Variants in GRM7 observed in about 807,000 individuals in gnomAD.
GRM7 encodes metabotropic glutamate receptor 7.
In GRM7, 35 loss-of-function variants were observed where a neutral mutation model predicts 84.5. The ratio of observed to expected loss-of-function variants is 0.41; its 90% confidence interval spans 0.32 to 0.55. GRM7 has a LOEUF of 0.55. Among genes scored for constraint, GRM7 ranks in the 20% least tolerant of loss-of-function variants. The probability of loss-of-function intolerance (pLI) is 0.19; values close to 1 mark genes in which losing one functional copy is unlikely to be tolerated. For missense variants in GRM7, 1,003 were observed against 1,194.6 expected (o/e 0.84, Z 2.36); for synonymous variants, 487 against 455.1 (o/e 1.07, Z -0.89).
chr3:7,265,990 C>T (rs1297377041), intron 2 of GRM7, among the ~76,000 whole-genome samples: 1 of 152,104 alleles, frequency 6.6e-6, no homozygotes, highest in Admixed American at 6.5e-5. Context: ...CAGTGCTGGG[C>T]ACAGGCAGTG....
intron 1 of GRM7, among the ~76,000 whole-genome samples, chr3:7,087,442 C>A (rs895039420): frequency 6.7e-6 from 1 of 149,074 alleles, no homozygotes; most frequent in Non-Finnish European, 1.5e-5. Context: ...GTCTCATGAC[C>A]TTTTTTCAGG....
At chr3:6,946,832 C>T (rs1359074374) in intron 1 of GRM7, among the ~76,000 whole-genome samples, 3 of 152,154 alleles carry the variant, frequency 2.0e-5, no homozygotes, top group African/African-American at 7.2e-5. Context: ...TGGGAGTTCA[C>T]TCATGATTTG....
At chr3:7,206,167 CT>C (rs991943753) in intron 2 of GRM7, among the ~76,000 whole-genome samples, 47 of 152,202 alleles carry the variant, frequency 3.1e-4, no homozygotes, top group Middle Eastern at 3.4e-3. Flanking sequence ...TCACTGCCTG[CT>C]TCTGGCTACT....
intron 1 of GRM7, among the ~76,000 whole-genome samples, chr3:7,026,056 C>T (rs1282434131): frequency 6.6e-6 from 1 of 152,162 alleles, no homozygotes; most frequent in Non-Finnish European, 1.5e-5. Flanking sequence ...GAGCCAATCA[C>T]CTAATTTATA....
intron 8 of GRM7, among the ~76,000 whole-genome samples, chr3:7,609,560 G>T (rs918268977): frequency 6.6e-6 from 1 of 151,668 alleles, no homozygotes; most frequent in Non-Finnish European, 1.5e-5. Flanking sequence ...AAACAGAGCA[G>T]GCACAGGTAT....
At chr3:7,045,427 A>G (rs1177883700) in intron 1 of GRM7, among the ~76,000 whole-genome samples, 1 of 152,180 alleles carries the variant, frequency 6.6e-6, no homozygotes. Flanking sequence ...GGCAAGAGGG[A>G]GCAATGACCC....
chr3:7,385,335 C>G (rs954702233), intron 4 of GRM7, among the ~76,000 whole-genome samples: 1 of 118,236 alleles, frequency 8.5e-6, no homozygotes, highest in Non-Finnish European at 1.6e-5. Context: ...GAGTCTCGCT[C>G]TGTCGCACAG....
At chr3:7,335,266 A>G (rs1483588120) in intron 4 of GRM7, among the ~76,000 whole-genome samples, 4 of 152,126 alleles carry the variant, frequency 2.6e-5, no homozygotes, top group African/African-American at 9.7e-5. Context: ...AGGAACCTTT[A>G]AAACTATGCA....
chr3:7,301,449 T>G (rs1699998498), intron 3 of GRM7, among the ~76,000 whole-genome samples: 1 of 152,204 alleles, frequency 6.6e-6, no homozygotes, highest in African/African-American at 2.4e-5. Flanking sequence ...ACACCCATTT[T>G]ACACTTTTGC....
chr3:7,028,643 A>T (rs1696067760), intron 1 of GRM7, among the ~76,000 whole-genome samples: 1 of 152,186 alleles, frequency 6.6e-6, no homozygotes, highest in African/African-American at 2.4e-5. Context: ...GAGGGATGGG[A>T]AACAGTGTGA....
chr3:6,944,280 T>C (rs1481755629), intron 1 of GRM7, among the ~76,000 whole-genome samples: 1 of 152,134 alleles, frequency 6.6e-6, no homozygotes, highest in Non-Finnish European at 1.5e-5. Flanking sequence ...ACTTTCAATC[T>C]TTCATTACTA....
chr3:7,189,068 G>A (rs1695619009), intron 2 of GRM7, among the ~76,000 whole-genome samples: 1 of 152,136 alleles, frequency 6.6e-6, no homozygotes, highest in Non-Finnish European at 1.5e-5. Context: ...CAGAGTGAGA[G>A]GTAGTTGTGG....
chr3:7,703,308 G>A (rs1437340579), intron 9 of GRM7, among the ~76,000 whole-genome samples: 1 of 152,114 alleles, frequency 6.6e-6, no homozygotes, highest in Non-Finnish European at 1.5e-5. Flanking sequence ...CCATTAATCT[G>A]TGTTTTAACA....
chr3:7,044,045 G>A (rs982510673), intron 1 of GRM7, among the ~76,000 whole-genome samples: 1 of 152,202 alleles, frequency 6.6e-6, no homozygotes, highest in African/African-American at 2.4e-5. Context: ...ACTCAAAGCA[G>A]TCAATACATT....
Position 7,220,043 on chromosome 3 carries a change from T to C in GRM7, c.736+73375T>C, listed in dbSNP as rs1387031744. On this transcript the variant is annotated intron_variant, in intron 2 of 9. Coordinates refer to ENST00000357716, the MANE Select transcript of GRM7 (RefSeq NM_000844.4). Reference sequence around the variant, plus strand: ...TATAATTCAAAGTATAACATGGATATCCATAAGTCCCTGGCTGATATAAAT... The same window carrying C: ...TATAATTCAAAGTATAACATGGATACCCATAAGTCCCTGGCTGATATAAAT... Among the ~76,000 whole-genome samples, 5 of 152,170 alleles carry C rather than the reference T, an allele frequency of 3.3e-5. No individual in the cohort carries two copies. In the East Asian group the frequency reaches 9.6e-4, roughly 29 times the overall value.
chr3:6,916,642 C>T (rs1484054375), intron 1 of GRM7, among the ~76,000 whole-genome samples: 1 of 152,086 alleles, frequency 6.6e-6, no homozygotes, highest in Non-Finnish European at 1.5e-5. Flanking sequence ...CCTCAGTCCT[C>T]TTATAAGGAC....
intron 1 of GRM7, among the ~76,000 whole-genome samples, chr3:6,907,760 C>G (rs1696632024): frequency 1.3e-5 from 2 of 152,056 alleles, no homozygotes; most frequent in Non-Finnish European, 2.9e-5. Context: ...AAACAAATGT[C>G]TCATTGAAGT....
At chr3:7,345,483 C>T (rs1692849419) in intron 4 of GRM7, among the ~76,000 whole-genome samples, 1 of 151,902 alleles carries the variant, frequency 6.6e-6, no homozygotes, top group South Asian at 2.1e-4. Flanking sequence ...GGGGTTTCAT[C>T]ACGTTGGCCA....
At chr3:7,570,414 A>G (rs1331806356) in intron 7 of GRM7, among the ~76,000 whole-genome samples, 1 of 152,246 alleles carries the variant, frequency 6.6e-6, no homozygotes, top group Non-Finnish European at 1.5e-5. Context: ...TTGGGTAAAT[A>G]CAGCCATTCC....
Sources: gnomAD v4.1 joint callset for allele counts (sites outside exome capture counted in the v4.1 genomes callset) on GRCh38, gnomAD v4.1.1 for gene constraint, MANE v1.5 for transcripts, NCBI Gene and HGNC (gene_info 2026-07-23, HGNC 2026-07-21) for gene names.